LRRTM4: variants seen among roughly 807,000 people sequenced by gnomAD.
LRRTM4 encodes leucine-rich repeat transmembrane neuronal protein 4.
A neutral mutation model predicts 47.6 loss-of-function variants in LRRTM4; 25 were observed. The observed-to-expected ratio is 0.53, with a 90% CI of 0.38 to 0.73. LRRTM4 has a LOEUF of 0.73. Ranked by LOEUF, LRRTM4 falls within the 30% of genes least tolerant of loss-of-function variation. LRRTM4 has a pLI of 0.00. For missense variants in LRRTM4, 638 were observed against 713.4 expected (o/e 0.89, Z 1.20); for synonymous variants, 311 against 269.5 (o/e 1.15, Z -1.51).
At chr2:77,495,431 C>T (rs1272973482) in intron 3 of LRRTM4, among the ~76,000 whole-genome samples, 1 of 152,022 alleles carries the variant, frequency 6.6e-6, no homozygotes, top group Non-Finnish European at 1.5e-5. Context: ...TTGTTTTATG[C>T]CGCAAACTTC....
intron 3 of LRRTM4, among the ~76,000 whole-genome samples, chr2:77,454,887 TTTTTTA>T (rs1676464579): frequency 6.6e-6 from 1 of 152,132 alleles, no homozygotes; most frequent in African/African-American, 2.4e-5. Context: ...TATTTATTTA[TTTTTTA>T]TTTTTATTTT....
chr2:77,012,765 A>G (rs1305270400), intron 3 of LRRTM4, among the ~76,000 whole-genome samples: 1 of 152,218 alleles, frequency 6.6e-6, no homozygotes, highest in Non-Finnish European at 1.5e-5. Flanking sequence ...AACACACAAT[A>G]TAACTGAAAT....
chr2:76,905,889 C>T (rs945171619), intron 3 of LRRTM4, among the ~76,000 whole-genome samples: 1 of 152,098 alleles, frequency 6.6e-6, no homozygotes, highest in African/African-American at 2.4e-5. Flanking sequence ...CTGAAAGTGA[C>T]AGGGAGAATG....
At chr2:77,218,816 T>C (rs1383284551) in intron 3 of LRRTM4, among the ~76,000 whole-genome samples, 2 of 152,230 alleles carry the variant, frequency 1.3e-5, no homozygotes, top group East Asian at 1.9e-4. Context: ...GATGCCTTCA[T>C]TGAATAAATA....
intron 3 of LRRTM4, among the ~76,000 whole-genome samples, chr2:77,472,543 C>T (rs1159595966): frequency 6.6e-6 from 1 of 151,770 alleles, no homozygotes; most frequent in Non-Finnish European, 1.5e-5. Context: ...CATTATAGTC[C>T]TCCCTAAAAT....
chr2:77,452,736 C>T (rs2103954702), intron 3 of LRRTM4, among the ~76,000 whole-genome samples: 1 of 152,226 alleles, frequency 6.6e-6, no homozygotes, highest in Non-Finnish European at 1.5e-5. Flanking sequence ...GTTAATCCTG[C>T]TAGAGAGTCA....
intron 3 of LRRTM4, among the ~76,000 whole-genome samples, chr2:77,118,839 G>GA (rs547439894): frequency 4.7e-4 from 72 of 151,844 alleles, no homozygotes; most frequent in Admixed American, 7.9e-4. Context: ...AAGATCAAGT[G>GA]AAAAAATCTT....
chr2:77,429,841 G>A (rs1308919397), intron 3 of LRRTM4, among the ~76,000 whole-genome samples: 3 of 152,166 alleles, frequency 2.0e-5, no homozygotes, highest in Non-Finnish European at 2.9e-5. Context: ...CGAGGCGGGT[G>A]GATTGTTTTA....
chr2:77,013,207 G>A lies in LRRTM4; in HGVS notation c.1552-264291C>T, dbSNP rs116224052. On this transcript the variant is annotated intron_variant, in intron 3 of 3. Transcript: ENST00000409884. Reference sequence around the variant, plus strand: ...AAGGTATAACCACTGAAGCACTTGAGGTAGAAGCAAAGAGCAGGAGAAGGC... The same window carrying A: ...AAGGTATAACCACTGAAGCACTTGAAGTAGAAGCAAAGAGCAGGAGAAGGC... 2.1e-3 allele frequency among the ~76,000 whole-genome samples: 325 copies of A among 152,290 alleles called. 7 individuals carry two copies. Among genetic ancestry groups the A allele is most frequent in the African/African-American group, 7.6e-3 (314 of 41,558 alleles).
chr2:76,833,182 A>G (rs1159406621), intron 3 of LRRTM4, among the ~76,000 whole-genome samples: 4 of 152,164 alleles, frequency 2.6e-5, no homozygotes, highest in African/African-American at 9.6e-5. Flanking sequence ...GGTTGAAACC[A>G]TGAAAGTAAA....
At chr2:76,758,075 T>C (rs1198275068) in intron 3 of LRRTM4, among the ~76,000 whole-genome samples, 1 of 152,126 alleles carries the variant, frequency 6.6e-6, no homozygotes, top group East Asian at 1.9e-4. Context: ...TTGTGTAGTC[T>C]TCAATTTGGA....
At chr2:77,500,138 C>T (rs1290228807) in intron 3 of LRRTM4, among the ~76,000 whole-genome samples, 1 of 151,734 alleles carries the variant, frequency 6.6e-6, no homozygotes, top group African/African-American at 2.4e-5. Context: ...CAGTTGTAAA[C>T]ACTCTTCCAT....
rs58615415 is a variant in LRRTM4 at position 76,913,543 on chromosome 2, A to ATTTTTTTTTTTTTTTTTTTTT, written c.1552-164628_1552-164627insAAAAAAAAAAAAAAAAAAAAA. ...CCAAATATTTAGAGATCCTATTTCA[A>ATTTTTTTTTTTTTTTTTTTTT]TTTTTTTTTTTTTTGAGACAGAGTC... On this transcript the variant is annotated intron_variant, in intron 3 of 3. Coordinates refer to ENST00000409884, the MANE Select transcript of LRRTM4 (RefSeq NM_001134745.3). 7.7e-4 allele frequency among the ~76,000 whole-genome samples: 93 copies of ATTTTTTTTTTTTTTTTTTTTT among 121,450 alleles called. 4 individuals carry two copies. The highest frequency in any genetic ancestry group is 2.4e-3 in the African/African-American group (73 of 30,624). The allele number at this position is 121,450 out of a possible 152,430, so 79.7% of individuals were successfully genotyped here.
At chr2:77,475,333 C>T (rs916671096) in intron 3 of LRRTM4, among the ~76,000 whole-genome samples, 1 of 152,020 alleles carries the variant, frequency 6.6e-6, no homozygotes, top group Non-Finnish European at 1.5e-5. Context: ...GGGAAAAGCA[C>T]TTCAAACTTT....
At chr2:76,797,260 G>T (rs558382164) in intron 3 of LRRTM4, among the ~76,000 whole-genome samples, 28 of 152,012 alleles carry the variant, frequency 1.8e-4, no homozygotes, top group Admixed American at 7.2e-4. Flanking sequence ...GACAAACAGC[G>T]GATCTCTCAG....
At chr2:77,107,673 C>T (rs1463057060) in intron 3 of LRRTM4, among the ~76,000 whole-genome samples, 1 of 151,786 alleles carries the variant, frequency 6.6e-6, no homozygotes, top group Non-Finnish European at 1.5e-5. Context: ...ACAAAATTAG[C>T]CTGGCGTGGT....
At chr2:77,151,304 T>C (rs1019930482) in intron 3 of LRRTM4, among the ~76,000 whole-genome samples, 2 of 152,148 alleles carry the variant, frequency 1.3e-5, no homozygotes, top group Non-Finnish European at 2.9e-5. Context: ...TTTATACTCA[T>C]TGAACAATAA....
intron 3 of LRRTM4, among the ~76,000 whole-genome samples, chr2:77,355,137 A>G (rs1671922755): frequency 6.6e-6 from 1 of 152,192 alleles, no homozygotes; most frequent in Non-Finnish European, 1.5e-5. Context: ...TTACCATGTC[A>G]TGGTCTAATG....
Position 77,102,490 on chromosome 2 carries a change from T to C in LRRTM4, c.1552-353574A>G, listed in dbSNP as rs1003696220. Among the ~76,000 whole-genome samples the C allele has an allele frequency of 2.0e-5, 3 of 152,262 alleles. No individual in the cohort carries two copies. In the South Asian group the frequency reaches 6.2e-4, roughly 31 times the overall value. ...CCTTGTTGAAAACATTTAGCCCATC[T>C]ACCTGACTAGAACTGAGTCAAATAT... On this transcript the variant is annotated intron_variant, in intron 3 of 3. Coordinates refer to ENST00000409884, the MANE Select transcript of LRRTM4 (RefSeq NM_001134745.3).
Sources: gnomAD v4.1 joint callset for allele counts (sites outside exome capture counted in the v4.1 genomes callset) on GRCh38, gnomAD v4.1.1 for gene constraint, MANE v1.5 for transcripts, NCBI Gene and HGNC (gene_info 2026-07-23, HGNC 2026-07-21) for gene names.